Variants in LZTS1 observed in about 807,000 individuals in gnomAD.
LZTS1 encodes the protein leucine zipper putative tumor suppressor 1.
LZTS1 carries 31 observed loss-of-function variants against 45.8 expected under a neutral mutation model. The ratio of observed to expected loss-of-function variants is 0.68; its 90% CI spans 0.51 to 0.91. LZTS1 has a LOEUF of 0.91. Among genes scored for constraint, LZTS1 ranks in the 40% least tolerant of loss-of-function variants. The pLI is 0.00. For synonymous variants in LZTS1, 359 were observed against 357.3 expected, an observed-to-expected ratio of 1.00 and a Z score of -0.05; for missense variants, 821 against 788.9, an observed-to-expected ratio of 1.04 and a Z score of -0.49.
At chr8:20,261,549 GC>G (rs1376233370) in intron 1 of LZTS1, among the ~76,000 whole-genome samples, 2 of 152,176 alleles carry the variant, frequency 1.3e-5, no homozygotes, top group Admixed American at 1.3e-4. Flanking sequence ...CCCATCCCCA[GC>G]CCCCTTCTGC....
At chr8:20,300,608 A>C (rs1451758085) in intron 1 of LZTS1, among the ~76,000 whole-genome samples, 5 of 152,014 alleles carry the variant, frequency 3.3e-5, no homozygotes, top group Admixed American at 3.3e-4. Context: ...CTGAGATTAC[A>C]AGCGTGAGCC....
intron 1 of LZTS1, among the ~76,000 whole-genome samples, chr8:20,303,353 T>C (rs539109509): frequency 6.6e-6 from 1 of 152,222 alleles, no homozygotes; most frequent in South Asian, 2.1e-4. Context: ...CTGCGGCCCC[T>C]GCTCCTGCGG....
At chr8:20,270,242 C>A (rs930378076) in intron 1 of LZTS1, among the ~76,000 whole-genome samples, 6 of 152,382 alleles carry the variant, frequency 3.9e-5, no homozygotes, top group African/African-American at 1.4e-4. Context: ...CCCCCCAGCT[C>A]CCTCTCCAGT....
Position 20,301,431 on chromosome 8 carries a change from A to G in LZTS1, c.-135+2309T>C, listed in dbSNP as rs568156025. Among the ~76,000 whole-genome samples, 3 of 152,254 alleles carry G rather than the reference A, an allele frequency of 2.0e-5. No individual in the cohort carries two copies. The East Asian group carries it at 5.8e-4, about 29-fold the overall frequency. On this transcript the variant is annotated intron_variant, in intron 1 of 3. Coordinates refer to ENST00000381569, the MANE Select transcript of LZTS1 (RefSeq NM_021020.5). ...CACAGTGGATTTAGTGGCTGGCATT[A>G]AGTGTTACGGTATTATCCATTACAC...
At chr8:20,277,207 G>A (rs1800601882) in intron 1 of LZTS1, among the ~76,000 whole-genome samples, 1 of 152,176 alleles carries the variant, frequency 6.6e-6, no homozygotes, top group Admixed American at 6.5e-5. Flanking sequence ...TAATTATAGT[G>A]CATTAATATG....
chr8:20,271,761 C>G lies in LZTS1; in HGVS notation c.-134-16446G>C, dbSNP rs148627845. The stretch of plus-strand genomic sequence containing the variant: ...TGACTGTGTCTGAATAAAGCAATGC[C>G]AGTCCTATGCTCTGTTAAGAATTCA... On this transcript the variant is annotated intron_variant, in intron 1 of 3. Coordinates refer to ENST00000381569, the MANE Select transcript of LZTS1 (RefSeq NM_021020.5). Among the ~76,000 whole-genome samples, 949 of 152,352 alleles carry G rather than the reference C, an allele frequency of 6.2e-3. 12 individuals are homozygous for G. Among genetic ancestry groups the G allele is most frequent in the African/African-American group, 0.022 (913 of 41,574 alleles).
intron 1 of LZTS1, among the ~76,000 whole-genome samples, chr8:20,256,354 G>T (rs755405863): frequency 6.6e-6 from 1 of 152,180 alleles, no homozygotes; most frequent in South Asian, 2.1e-4. Flanking sequence ...AGGAGCCCCT[G>T]GATGGCTTTA....
At chr8:20,295,268 C>G (rs1800962248) in intron 1 of LZTS1, among the ~76,000 whole-genome samples, 1 of 152,198 alleles carries the variant, frequency 6.6e-6, no homozygotes, top group Non-Finnish European at 1.5e-5. Context: ...GAGATCACCC[C>G]CAGCCTTCTG....
chr8:20,253,089 TGCAGCTTC>T lies in LZTS1; in HGVS notation c.834_841del (p.Lys279AlafsTer4). On this transcript the variant is annotated frameshift_variant, in exon 3 of 4. Coordinates refer to ENST00000381569, the MANE Select transcript of LZTS1 (RefSeq NM_021020.5). LOFTEE classifies it high-confidence loss of function. Reference sequence around the variant, plus strand: ...AAGCTCCTTCTCCTCAAAGCTGCGCTGCAGCTTCTGGAGGGCGCCCTCCCTCTCCAACA... The same window carrying T: ...AAGCTCCTTCTCCTCAAAGCTGCGCTTGGAGGGCGCCCTCCCTCTCCAACA... 1 of 1,610,276 alleles carries T rather than the reference TGCAGCTTC, an allele frequency of 6.2e-7. No homozygotes were observed.
chr8:20,296,182 A>G lies in LZTS1; in HGVS notation c.-135+7558T>C, dbSNP rs189878373. Among the ~76,000 whole-genome samples the G allele has an allele frequency of 1.4e-3, 214 of 152,312 alleles. 2 individuals are homozygous for G. The highest frequency in any genetic ancestry group is 6.8e-3 in the Middle Eastern group (2 of 294). ...GCAAGAAGAGTGAAAATGTCCCCCA[A>G]GCCAACAGGCCAGGGAGCCAAGTGC... On this transcript the variant is annotated intron_variant, in intron 1 of 3. Transcript: ENST00000381569.
chr8:20,289,070 A>AAAGAG (rs1563895850), intron 1 of LZTS1: 1 of 131,172 alleles, frequency 7.6e-6, no homozygotes, highest in Non-Finnish European at 1.6e-5. Flanking sequence ...CTCTTTTTAC[A>AAAGAG]TTTGTTTCCA....
chr8:20,285,254 C>T (rs1800772920), intron 1 of LZTS1, among the ~76,000 whole-genome samples: 2 of 152,228 alleles, frequency 1.3e-5, no homozygotes, highest in Non-Finnish European at 2.9e-5. Context: ...TCATCAACTT[C>T]CACACCCTGA....
intron 3 of LZTS1, among the ~76,000 whole-genome samples, chr8:20,251,845 C>G (rs1031111209): frequency 6.6e-6 from 1 of 152,050 alleles, no homozygotes; most frequent in African/African-American, 2.4e-5. Flanking sequence ...GCATAAACGT[C>G]GATGACGGAA....
chr8:20,299,273 C>T (rs1801031288), intron 1 of LZTS1, among the ~76,000 whole-genome samples: 2 of 152,196 alleles, frequency 1.3e-5, no homozygotes, highest in Admixed American at 1.3e-4. Context: ...CCCTTCATAC[C>T]CTCCTCAGGT....
chr8:20,303,820 A>T lies in LZTS1; in HGVS notation c.-215T>A. 1.0e-6 allele frequency: 1 copy of T among 984,204 alleles called. No homozygotes were observed. The allele number at this position is 984,204 out of a possible 1,614,324, so 61.0% of individuals were successfully genotyped here. ...GGTGTGTTCCCGTCTCTCTTTTTCC[A>T]GAGCTGCTGAGCGGGCCGGGCCGGT... On this transcript the variant is annotated 5_prime_UTR_variant, in exon 1 of 4. Coordinates refer to ENST00000381569, the MANE Select transcript of LZTS1 (RefSeq NM_021020.5).
intron 1 of LZTS1, among the ~76,000 whole-genome samples, chr8:20,296,185 C>T (rs1234292761): frequency 1.3e-5 from 2 of 152,342 alleles, no homozygotes; most frequent in African/African-American, 2.4e-5. Context: ...TCCCCCAAGC[C>T]AACAGGCCAG....
chr8:20,264,340 TA>T (rs2128894858), intron 1 of LZTS1, among the ~76,000 whole-genome samples: 1 of 152,316 alleles, frequency 6.6e-6, no homozygotes, highest in Non-Finnish European at 1.5e-5. Context: ...TATATATGAT[TA>T]TTTTTCCACG....
At position 20,297,331 on chromosome 8, in the gene LZTS1, CAT is replaced by C. The variant is rs367994326; in HGVS notation, c.-135+6407_-135+6408del. 1.1e-4 allele frequency among the ~76,000 whole-genome samples: 16 copies of C among 152,322 alleles called. No individual in the cohort carries two copies. The East Asian group carries it at 1.5e-3, about 15-fold the overall frequency. On this transcript the variant is annotated intron_variant, in intron 1 of 3. Coordinates refer to ENST00000381569, the MANE Select transcript of LZTS1 (RefSeq NM_021020.5). Reference sequence around the variant, plus strand: ...TGACAAGCTATAAAGAAAGAACTGACATATGATAAATTTCATTCTCTAAAGCA... The same window carrying C: ...TGACAAGCTATAAAGAAAGAACTGACATGATAAATTTCATTCTCTAAAGCA...
chr8:20,293,844 G>T (rs973823866), intron 1 of LZTS1, among the ~76,000 whole-genome samples: 1 of 152,218 alleles, frequency 6.6e-6, no homozygotes, highest in South Asian at 2.1e-4. Flanking sequence ...TGATGTGGGA[G>T]TCCAGGAGTT....
Sources: gnomAD v4.1 joint callset for allele counts (sites outside exome capture counted in the v4.1 genomes callset) on GRCh38, gnomAD v4.1.1 for gene constraint, MANE v1.5 for transcripts, NCBI Gene and HGNC (gene_info 2026-07-23, HGNC 2026-07-21) for gene names.